The following EYS variants were observed in gnomAD, a reference collection of about 807,000 sequenced individuals.
The protein encoded by EYS is EGF-like photoreceptor maintenance factor.
Under a neutral mutation model 282.1 loss-of-function variants are expected in EYS, and 250 were observed. The ratio of observed to expected loss-of-function variants is 0.89; its 90% CI spans 0.80 to 0.98. The LOEUF (loss-of-function observed/expected upper bound fraction) is 0.98. EYS is among the 50% of genes least tolerant of loss of function. The probability of loss-of-function intolerance (pLI) is 0.00; values close to 1 mark genes in which losing one functional copy is unlikely to be tolerated. For missense variants in EYS, 4,016 were observed against 3,709.0 expected (o/e 1.08, Z -2.15); for synonymous variants, 1,355 against 1,282.9 (o/e 1.06, Z -1.20).
chr6:64,168,972 C>G (rs1294521828), intron 31 of EYS, among the ~76,000 whole-genome samples: 1 of 152,122 alleles, frequency 6.6e-6, no homozygotes, highest in East Asian at 1.9e-4. Flanking sequence ...GAACATGATT[C>G]AGAGAATATA....
intron 12 of EYS, among the ~76,000 whole-genome samples, chr6:65,146,959 T>G (rs1054816426): frequency 6.6e-6 from 1 of 152,034 alleles, no homozygotes; most frequent in Admixed American, 6.6e-5. Flanking sequence ...ATGTGACTCA[T>G]TGTCATTGTG....
intron 22 of EYS, among the ~76,000 whole-genome samples, chr6:64,755,291 T>C (rs372750458): frequency 5.9e-5 from 9 of 152,052 alleles, no homozygotes; most frequent in African/African-American, 1.7e-4. Flanking sequence ...AAAAGAATTA[T>C]AGGTGACACA....
At chr6:63,915,154 G>A (rs1189848331) in intron 35 of EYS, among the ~76,000 whole-genome samples, 1 of 152,170 alleles carries the variant, frequency 6.6e-6, no homozygotes, top group Non-Finnish European at 1.5e-5. Context: ...AAACTTCAAA[G>A]GACAAGCCAA....
At chr6:64,706,951 A>G (rs1771039247) in intron 22 of EYS, among the ~76,000 whole-genome samples, 2 of 152,150 alleles carry the variant, frequency 1.3e-5, no homozygotes, top group Non-Finnish European at 2.9e-5. Flanking sequence ...TGATTCAGCA[A>G]CCCCACTGCT....
chr6:63,915,139 C>T (rs1170726013), intron 35 of EYS, among the ~76,000 whole-genome samples: 1 of 152,182 alleles, frequency 6.6e-6, no homozygotes, highest in African/African-American at 2.4e-5. Flanking sequence ...CAATGCCTGA[C>T]TTCAAAACTT....
chr6:65,369,309 A>T lies in EYS; in HGVS notation c.1299+15077T>A, dbSNP rs1562127706. Among the ~76,000 whole-genome samples the T allele has an allele frequency of 1.1e-3, 106 of 92,344 alleles. 2 individuals carry two copies. The highest frequency in any genetic ancestry group is 4.9e-3 in the Middle Eastern group (1 of 204). 60.6% of individuals were successfully genotyped at this position (92,344 alleles called of 152,430 possible). A position where few individuals can be genotyped will look rare whatever the true frequency, so the allele number is the denominator to read the frequency against. ...TATTATATATATATTTATGTATAAT[A>T]TATATATTATATATATATATTTATA... is the stretch of plus-strand genomic sequence containing the variant. On this transcript the variant is annotated intron_variant, in intron 8 of 42. Transcript: ENST00000503581.
At chr6:64,182,445 A>T (rs2150312217) in intron 31 of EYS, among the ~76,000 whole-genome samples, 1 of 152,262 alleles carries the variant, frequency 6.6e-6, no homozygotes, top group South Asian at 2.1e-4. Context: ...GAGGTGTTAG[A>T]GTCCATTGCC....
chr6:64,688,884 G>A (rs1190765278), intron 22 of EYS, among the ~76,000 whole-genome samples: 1 of 151,930 alleles, frequency 6.6e-6, no homozygotes, highest in Non-Finnish European at 1.5e-5. Context: ...GACAAAAACT[G>A]GAAGCATTCC....
chr6:64,452,924 AATACC>A (rs1462440992), intron 26 of EYS, among the ~76,000 whole-genome samples: 2 of 152,216 alleles, frequency 1.3e-5, no homozygotes, highest in Non-Finnish European at 2.9e-5. Context: ...AAACCTAGGC[AATACC>A]ATTCAGGACA....
intron 13 of EYS, among the ~76,000 whole-genome samples, chr6:65,007,397 A>C (rs940671855): frequency 5.9e-5 from 9 of 152,346 alleles, no homozygotes; most frequent in Middle Eastern, 3.4e-3. Flanking sequence ...ATTCTTCTGC[A>C]GTACCGCCTG....
chr6:63,966,508 G>GA (rs1035419798), intron 35 of EYS, among the ~76,000 whole-genome samples: 28 of 150,534 alleles, frequency 1.9e-4, no homozygotes, highest in Admixed American at 3.3e-4. Flanking sequence ...ATAACTTATG[G>GA]AAAAAAAAAC....
chr6:64,914,579 T>A (rs1053163913), intron 15 of EYS, among the ~76,000 whole-genome samples: 6 of 152,082 alleles, frequency 3.9e-5, no homozygotes, highest in African/African-American at 1.4e-4. Context: ...CAAGGCCCTT[T>A]ATAATTATAA....
intron 2 of EYS, among the ~76,000 whole-genome samples, chr6:65,570,455 T>C (rs1267577499): frequency 1.3e-5 from 2 of 152,138 alleles, no homozygotes; most frequent in Non-Finnish European, 2.9e-5. Context: ...GTGCCATTTT[T>C]CCCCTCAAAA....
chr6:63,913,327 C>G (rs750439474), intron 35 of EYS, among the ~76,000 whole-genome samples: 1 of 152,156 alleles, frequency 6.6e-6, no homozygotes, highest in South Asian at 2.1e-4. Context: ...AATATATGTG[C>G]TAACAATTAT....
chr6:65,146,574 G>A (rs1424886364), intron 12 of EYS, among the ~76,000 whole-genome samples: 1 of 151,844 alleles, frequency 6.6e-6, no homozygotes, highest in African/African-American at 2.4e-5. Flanking sequence ...TCAAGTGATG[G>A]TTGCTACGTA....
intron 33 of EYS, among the ~76,000 whole-genome samples, chr6:64,059,398 G>A (rs1003194952): frequency 6.6e-6 from 1 of 152,166 alleles, no homozygotes; most frequent in Non-Finnish European, 1.5e-5. Context: ...AGGCACAAAT[G>A]TGATTACAGA....
chr6:64,659,054 C>T (rs6914374), intron 22 of EYS, among the ~76,000 whole-genome samples: 151,913 of 152,136 alleles, frequency 1, 75,845 homozygotes, highest in Non-Finnish European at 1. Flanking sequence ...CAGAGTGCAA[C>T]CAAACTAGAA....
At chr6:64,743,017 T>A (rs1772427868) in intron 22 of EYS, among the ~76,000 whole-genome samples, 1 of 152,154 alleles carries the variant, frequency 6.6e-6, no homozygotes, top group South Asian at 2.1e-4. Context: ...TACTGTGCTA[T>A]CTGCTAAGAT....
At chr6:65,238,760 C>A (rs1173869529) in intron 12 of EYS, among the ~76,000 whole-genome samples, 1 of 151,746 alleles carries the variant, frequency 6.6e-6, no homozygotes, top group Non-Finnish European at 1.5e-5. Flanking sequence ...TATTCAATGG[C>A]AAAAGGTAGG....
Sources: allele counts gnomAD v4.1 joint callset (sites outside exome capture counted in the v4.1 genomes callset), GRCh38; gene constraint gnomAD v4.1.1; transcripts MANE v1.5; gene names NCBI Gene and HGNC (gene_info 2026-07-23, HGNC 2026-07-21).